WASF3: variants seen among roughly 807,000 people sequenced by gnomAD.
The protein encoded by WASF3 is WASP family member 3.
WASF3 carries 11 observed loss-of-function variants against 46.6 expected under a neutral mutation model. The observed-to-expected ratio is 0.24, with a 90% confidence interval of 0.15 to 0.39. WASF3 has a LOEUF of 0.39. Among genes scored for constraint, WASF3 ranks in the 10% least tolerant of loss-of-function variants. The probability of loss-of-function intolerance (pLI) is 1.00; values close to 1 mark genes in which losing one functional copy is unlikely to be tolerated. For synonymous variants in WASF3, 242 were observed against 259.7 expected (o/e 0.93, Z 0.65); for missense variants, 576 against 669.8 (o/e 0.86, Z 1.55).
intron 1 of WASF3, among the ~76,000 whole-genome samples, chr13:26,587,174 G>T (rs1246520246): frequency 7.4e-6 from 1 of 135,584 alleles, no homozygotes; most frequent in Non-Finnish European, 1.6e-5. Flanking sequence ...CATTTTTTTT[G>T]CTTTTTTTTT....
rs1881595844 is a variant in WASF3, at chr13:26,629,794, G to T, written c.-10-12467G>T. On this transcript the variant is annotated intron_variant, in intron 2 of 9. Coordinates refer to ENST00000335327, the MANE Select transcript of WASF3 (RefSeq NM_006646.6). The stretch of plus-strand genomic sequence containing the variant: ...TGCTGCTAGTTTGAATTAATAACTT[G>T]ACTGACAGAACTTAGCTCATTCTGG... Among the ~76,000 whole-genome samples the T allele has an allele frequency of 3.3e-5, 5 of 152,196 alleles. No homozygotes were observed. The South Asian group carries it at 1.0e-3, about 32-fold the overall frequency.
chr13:26,674,540 A>G (rs1883008088), intron 6 of WASF3, among the ~76,000 whole-genome samples: 1 of 152,262 alleles, frequency 6.6e-6, no homozygotes, highest in African/African-American at 2.4e-5. Flanking sequence ...TTTAGCATTC[A>G]TAAATATTTG....
chr13:26,634,397 G>T (rs903732360), intron 2 of WASF3, among the ~76,000 whole-genome samples: 1 of 152,258 alleles, frequency 6.6e-6, no homozygotes, highest in African/African-American at 2.4e-5. Context: ...CGTGAGATGG[G>T]TCTCCTGAAT....
chr13:26,548,620 T>C, the WASF3 span, among the ~76,000 whole-genome samples: 11 of 152,206 alleles, frequency 7.2e-5, no homozygotes, highest in Non-Finnish European at 1.3e-4. Context: ...GTGAACTGAT[T>C]AAACTGCCTT....
chr13:26,656,880 T>C (rs967634402), intron 3 of WASF3, among the ~76,000 whole-genome samples: 1 of 152,098 alleles, frequency 6.6e-6, no homozygotes, highest in Non-Finnish European at 1.5e-5. Flanking sequence ...AACGAGATCA[T>C]ACTAATTAAA....
chr13:26,676,780 T>C, intron 7 of WASF3, 56 bp downstream of exon 7: 1 of 1,512,684 alleles, frequency 6.6e-7, no homozygotes, highest in Non-Finnish European at 8.9e-7. Context: ...GGGTACTACC[T>C]GGTTTTATTA....
chr13:26,620,281 A>G (rs1593152441), intron 2 of WASF3, among the ~76,000 whole-genome samples: 1 of 152,160 alleles, frequency 6.6e-6, no homozygotes, highest in Non-Finnish European at 1.5e-5. Context: ...TTTATGCACA[A>G]TAAAGGACTA....
At chr13:26,577,470 A>C in intron 1 of WASF3, 2 of 923,776 alleles carry the variant, frequency 2.2e-6, no homozygotes, top group Non-Finnish European at 3.6e-6. Context: ...ATTGGAAAAG[A>C]CATAGAAAAG....
chr13:26,561,158 T>C (rs1310481535), intron 1 of WASF3, among the ~76,000 whole-genome samples: 1 of 152,146 alleles, frequency 6.6e-6, no homozygotes, highest in African/African-American at 2.4e-5. Flanking sequence ...TTGTGATTAC[T>C]GTTGTGTGGA....
At chr13:26,666,618 G>C (rs1297213510) in intron 4 of WASF3, among the ~76,000 whole-genome samples, 1 of 152,178 alleles carries the variant, frequency 6.6e-6, no homozygotes, top group African/African-American at 2.4e-5. Flanking sequence ...CAGATGAGTT[G>C]GCTGGGCGCG....
At chr13:26,620,228 A>G (rs530628995) in intron 2 of WASF3, among the ~76,000 whole-genome samples, 34 of 152,154 alleles carry the variant, frequency 2.2e-4, no homozygotes, top group African/African-American at 7.9e-4. Context: ...TGGTCAAAGC[A>G]TCTCGGAGGT....
At chr13:26,588,148 G>A (rs1880185095) in intron 1 of WASF3, among the ~76,000 whole-genome samples, 1 of 152,192 alleles carries the variant, frequency 6.6e-6, no homozygotes, top group East Asian at 1.9e-4. Context: ...AATCAGATAA[G>A]CTGATAGAAA....
intron 7 of WASF3, 79 bp downstream of exon 7, chr13:26,676,803 C>T (rs889324593): frequency 7.8e-5 from 109 of 1,397,150 alleles, no homozygotes; most frequent in Non-Finnish European, 1.0e-4. Context: ...ATTTGAAATG[C>T]ATCAATAGCT....
At chr13:26,664,770 G>A (rs1422002403) in intron 3 of WASF3, among the ~76,000 whole-genome samples, 2 of 152,232 alleles carry the variant, frequency 1.3e-5, no homozygotes, top group Non-Finnish European at 2.9e-5. Flanking sequence ...CAACTTGAGC[G>A]ATAGCTCATG....
At chr13:26,566,806 G>A (rs1294800727) in intron 1 of WASF3, among the ~76,000 whole-genome samples, 2 of 152,202 alleles carry the variant, frequency 1.3e-5, no homozygotes, top group South Asian at 2.1e-4. Context: ...GCTATACGCC[G>A]CAGGAGAAGA....
chr13:26,634,080 A>G (rs1221907817), intron 2 of WASF3, among the ~76,000 whole-genome samples: 2 of 152,196 alleles, frequency 1.3e-5, no homozygotes, highest in Admixed American at 6.5e-5. Flanking sequence ...TAATATTGAC[A>G]GTGGGGTGTT....
chr13:26,543,263 AG>A, the WASF3 span, among the ~76,000 whole-genome samples: 1 of 152,200 alleles, frequency 6.6e-6, no homozygotes, highest in Non-Finnish European at 1.5e-5. Flanking sequence ...CTGCACATGC[AG>A]GAGAGAGTTA....
intron 2 of WASF3, among the ~76,000 whole-genome samples, chr13:26,621,783 T>C (rs1267804763): frequency 6.6e-6 from 1 of 152,120 alleles, no homozygotes; most frequent in Non-Finnish European, 1.5e-5. Flanking sequence ...GTGAGGAGTT[T>C]AGGAAGCTGA....
At chr13:26,675,666 G>T (rs1883048555) in intron 6 of WASF3, among the ~76,000 whole-genome samples, 1 of 151,926 alleles carries the variant, frequency 6.6e-6, no homozygotes, top group African/African-American at 2.4e-5. Context: ...GTGTGTGTGT[G>T]TGTGTGTTTG....
Sources: allele counts gnomAD v4.1 joint callset (sites outside exome capture counted in the v4.1 genomes callset), GRCh38; gene constraint gnomAD v4.1.1; transcripts MANE v1.5; gene names NCBI Gene and HGNC (gene_info 2026-07-23, HGNC 2026-07-21).